TDP1: variants seen among roughly 807,000 people sequenced by gnomAD.
TDP1 encodes the protein tyrosyl-DNA phosphodiesterase 1, also known as tyr-DNA phosphodiesterase 1.
In TDP1, 64 loss-of-function variants were observed where a neutral mutation model predicts 81.5. The ratio of observed to expected loss-of-function variants is 0.79; its 90% CI spans 0.64 to 0.97. The LOEUF (loss-of-function observed/expected upper bound fraction) is 0.97, where lower values mean the gene tolerates loss of function less well. Among genes scored for constraint, TDP1 ranks in the 50% least tolerant of loss-of-function variants. TDP1 has a pLI of 0.00. For synonymous variants in TDP1, 256 were observed against 264.3 expected, an observed-to-expected ratio of 0.97 and a Z score of 0.30; for missense variants, 723 against 743.8, an observed-to-expected ratio of 0.97 and a Z score of 0.33.
chr14:90,022,401 C>T (rs568184796), intron 15 of TDP1, among the ~76,000 whole-genome samples: 1 of 152,230 alleles, frequency 6.6e-6, no homozygotes, highest in South Asian at 2.1e-4. Flanking sequence ...TCAGCAGCGG[C>T]CCTTCTCCCT....
intron 14 of TDP1, among the ~76,000 whole-genome samples, chr14:90,012,890 A>C (rs961821971): frequency 6.6e-6 from 1 of 152,234 alleles, no homozygotes; most frequent in African/African-American, 2.4e-5. Flanking sequence ...AGGTCATGGA[A>C]GCCTACCTCT....
chr14:89,969,154 C>A (rs1369500167), intron 5 of TDP1, among the ~76,000 whole-genome samples: 1 of 152,198 alleles, frequency 6.6e-6, no homozygotes, highest in Non-Finnish European at 1.5e-5. Flanking sequence ...CGCCTCCAGA[C>A]CTGTGAGACA....
chr14:89,998,911 T>A (rs1472860036), intron 14 of TDP1, among the ~76,000 whole-genome samples: 1 of 152,156 alleles, frequency 6.6e-6, no homozygotes, highest in Non-Finnish European at 1.5e-5. Context: ...CGGGGTTGCC[T>A]GAGGCCTTAT....
intron 10 of TDP1, 100 bp downstream of exon 10, chr14:89,985,310 G>T (rs542829005): frequency 1.4e-6 from 1 of 719,412 alleles, no homozygotes; most frequent in South Asian, 1.9e-5. Context: ...CAATATTTCT[G>T]CACAATTCTG....
chr14:89,983,387 G>A (rs1566871433), intron 8 of TDP1: 4 of 211,462 alleles, frequency 1.9e-5, no homozygotes, highest in Non-Finnish European at 2.9e-5. Context: ...GGTATGAAAT[G>A]CCCCTTGCTA....
chr14:89,961,551 A>G lies in TDP1; in HGVS notation c.-7-1557A>G, dbSNP rs538383754. ...GTTTATGATTTAGTGTCATATTGTC[A>G]CAGAATCTATTCTGCCAGTCTTACG... On this transcript the variant is annotated intron_variant, in intron 2 of 16. Transcript: ENST00000335725. Among the ~76,000 whole-genome samples the G allele has an allele frequency of 1.8e-4, 28 of 152,220 alleles. No homozygotes were observed. In the South Asian group the frequency reaches 5.4e-3, roughly 29 times the overall value.
intron 5 of TDP1, among the ~76,000 whole-genome samples, chr14:89,968,143 A>C (rs1893164119): frequency 6.7e-6 from 1 of 149,240 alleles, no homozygotes; most frequent in Non-Finnish European, 1.5e-5. Context: ...TTTTTCAAGC[A>C]GCTTTGGCAC....
At chr14:89,995,781 C>T (rs1331133747) in intron 14 of TDP1, among the ~76,000 whole-genome samples, 1 of 152,178 alleles carries the variant, frequency 6.6e-6, no homozygotes, top group African/African-American at 2.4e-5. Context: ...CCTTGTGGCA[C>T]CTGTCTCTTA....
At chr14:90,032,715 A>G in intron 15 of TDP1, 2 of 984,326 alleles carry the variant, frequency 2.0e-6, no homozygotes, top group Non-Finnish European at 2.4e-6. Flanking sequence ...TACTCCAGGC[A>G]GCCTGTTACT....
chr14:89,982,954 T>C (rs1895160798), intron 8 of TDP1, among the ~76,000 whole-genome samples: 1 of 152,214 alleles, frequency 6.6e-6, no homozygotes, highest in African/African-American at 2.4e-5. Flanking sequence ...ATTTCTCACT[T>C]TTTAAAATTA....
intron 15 of TDP1, among the ~76,000 whole-genome samples, chr14:90,022,079 C>G (rs1273708018): frequency 6.6e-6 from 1 of 152,216 alleles, no homozygotes; most frequent in African/African-American, 2.4e-5. Context: ...CTTTACCCTT[C>G]CCCTCCCAGG....
rs372964653 is a variant in TDP1 at position 89,979,345 on chromosome 14, T to C, written c.792-1195T>C. 5.9e-5 allele frequency among the ~76,000 whole-genome samples: 9 copies of C among 151,976 alleles called. No individual in the cohort carries two copies. The South Asian group carries it at 1.2e-3, about 21-fold the overall frequency. On this transcript the variant is annotated intron_variant, in intron 7 of 16. Transcript: ENST00000335725. ...TTTTTTTTGAGACAGAGTTTCACTC[T>C]GTCACCCAGGCTGGAGTGCAGTGGT...
At chr14:90,003,889 T>C (rs143691066) in intron 14 of TDP1, among the ~76,000 whole-genome samples, 83 of 152,346 alleles carry the variant, frequency 5.4e-4, no homozygotes, top group African/African-American at 1.9e-3. Flanking sequence ...TAATGTCTGT[T>C]GCTTTGATTC....
intron 13 of TDP1, among the ~76,000 whole-genome samples, chr14:89,992,763 G>T (rs982534950): frequency 6.6e-6 from 1 of 152,252 alleles, no homozygotes; most frequent in East Asian, 1.9e-4. Flanking sequence ...CAGACCATCT[G>T]TTAATCTGGA....
chr14:89,962,098 TTGAC>T (rs1596495118), intron 2 of TDP1, among the ~76,000 whole-genome samples: 1 of 152,182 alleles, frequency 6.6e-6, no homozygotes, highest in Non-Finnish European at 1.5e-5. Flanking sequence ...AAAGTAGAAT[TTGAC>T]TGTGGGGCTT....
intron 14 of TDP1, among the ~76,000 whole-genome samples, chr14:90,006,647 C>T (rs1264056565): frequency 6.6e-6 from 1 of 152,166 alleles, no homozygotes; most frequent in Non-Finnish European, 1.5e-5. Context: ...AGCGATTCTC[C>T]TGCCTCAGCC....
In TDP1 at chr14:89,993,308, T is replaced by C. The variant is rs879197183; in HGVS notation, c.1434-68T>C. The stretch of plus-strand genomic sequence containing the variant: ...TAATAGGCTCTTTGTTTTCATGCAG[T>C]TTCCTAATATTAGGATTATGATCAA... On this transcript the variant is annotated intron_variant, in intron 13 of 16. Transcript: ENST00000335725. 20 of 1,376,844 alleles carry C rather than the reference T, an allele frequency of 1.5e-5. No homozygotes were observed. The South Asian group carries it at 2.2e-4, about 15-fold the overall frequency. 85.3% of individuals were successfully genotyped at this position (1,376,844 alleles called of 1,614,324 possible). A position where few individuals can be genotyped will look rare whatever the true frequency, so the allele number is the denominator to read the frequency against.
chr14:90,003,360 T>C (rs531772064), intron 14 of TDP1, among the ~76,000 whole-genome samples: 1 of 152,380 alleles, frequency 6.6e-6, no homozygotes, highest in East Asian at 1.9e-4. Context: ...TAGGATGTTA[T>C]ATTAGCTGGC....
intron 5 of TDP1, among the ~76,000 whole-genome samples, chr14:89,969,196 G>C (rs760079310): frequency 6.6e-6 from 1 of 152,184 alleles, no homozygotes; most frequent in Non-Finnish European, 1.5e-5. Context: ...CTCCCAGTTT[G>C]TGGTGCTTTG....
Sources: gnomAD v4.1 joint callset for allele counts (sites outside exome capture counted in the v4.1 genomes callset) on GRCh38, gnomAD v4.1.1 for gene constraint, MANE v1.5 for transcripts, NCBI Gene and HGNC (gene_info 2026-07-23, HGNC 2026-07-21) for gene names.